Variants in ELOVL6 observed in about 807,000 individuals in gnomAD.
ELOVL6 encodes ELOVL fatty acid elongase 6.
In ELOVL6, 8 loss-of-function variants were observed where a neutral mutation model predicts 31.7. That is an observed-to-expected ratio of 0.25 (90% CI 0.15 to 0.45). ELOVL6 has a LOEUF of 0.45. Ranked by LOEUF, ELOVL6 falls within the 20% of genes least tolerant of loss-of-function variation. The pLI, the probability that ELOVL6 is intolerant of heterozygous loss-of-function variation, is 1.00. For synonymous variants in ELOVL6, 101 were observed against 117.7 expected (o/e 0.86, Z 0.92); for missense variants, 126 against 326.4 (o/e 0.39, Z 4.73).
At chr4:110,116,822 T>C (rs1224449434) in intron 1 of ELOVL6, among the ~76,000 whole-genome samples, 2 of 152,242 alleles carry the variant, frequency 1.3e-5, no homozygotes, top group Non-Finnish European at 2.9e-5. Context: ...TGGTCAAGTA[T>C]CAGTCTTCCA....
At chr4:110,172,618 C>G (rs1358385667) in intron 1 of ELOVL6, among the ~76,000 whole-genome samples, 1 of 152,170 alleles carries the variant, frequency 6.6e-6, no homozygotes, top group Non-Finnish European at 1.5e-5. Context: ...GGATAGCATC[C>G]ACACTTGACA....
chr4:110,165,351 G>A (rs1173875131), intron 1 of ELOVL6, among the ~76,000 whole-genome samples: 1 of 152,132 alleles, frequency 6.6e-6, no homozygotes, highest in Non-Finnish European at 1.5e-5. Context: ...GTTCCTTCCT[G>A]TCTAGCAGAC....
At chr4:110,112,195 T>G (rs932432959) in intron 1 of ELOVL6, among the ~76,000 whole-genome samples, 1 of 152,202 alleles carries the variant, frequency 6.6e-6, no homozygotes, top group Non-Finnish European at 1.5e-5. Flanking sequence ...AAACTTGGTA[T>G]GCATTATTTC....
In ELOVL6 at chr4:110,047,812, CCTGGGAGGCGGAGGTTGCAGTGAGT is replaced by C. The variant is rs1481953043; in HGVS notation, c.*3501_*3525del. The C allele has an allele frequency of 6.9e-6, 1 of 145,720 alleles. No homozygotes were observed. Among genetic ancestry groups the C allele is most frequent in the East Asian group, 2.1e-4 (1 of 4,864 alleles). The allele number at this position is 145,720 out of a possible 1,614,324, so 9.0% of individuals were successfully genotyped here. On this transcript the variant is annotated 3_prime_UTR_variant, in exon 4 of 4. Transcript: ENST00000302274. ...GGCTGAGGCAGGAGAATTGCTGGAA[CCTGGGAGGCGGAGGTTGCAGTGAGT>C]CTAGATCGCGCCACTGCACTCCAGC...
At chr4:110,100,606 A>C (rs948157289) in intron 2 of ELOVL6, among the ~76,000 whole-genome samples, 5 of 152,246 alleles carry the variant, frequency 3.3e-5, no homozygotes, top group African/African-American at 1.2e-4. Flanking sequence ...GGCTACAGTT[A>C]AGAGCTAACA....
chr4:110,077,582 C>T (rs572645084), intron 2 of ELOVL6, among the ~76,000 whole-genome samples: 1 of 152,262 alleles, frequency 6.6e-6, no homozygotes, highest in African/African-American at 2.4e-5. Context: ...ACCAAAACTC[C>T]ATCTGTATGT....
At chr4:110,165,740 GAACT>G (rs1460703075) in intron 1 of ELOVL6, among the ~76,000 whole-genome samples, 1 of 151,864 alleles carries the variant, frequency 6.6e-6, no homozygotes, top group African/African-American at 2.4e-5. Context: ...ATTCCTGTCA[GAACT>G]AACAGGAGGA....
At chr4:110,068,465 C>G (rs1399140235) in intron 2 of ELOVL6, among the ~76,000 whole-genome samples, 1 of 152,214 alleles carries the variant, frequency 6.6e-6, no homozygotes, top group African/African-American at 2.4e-5. Flanking sequence ...GCTGCTGTCT[C>G]AACTCACCAC....
intron 1 of ELOVL6, among the ~76,000 whole-genome samples, chr4:110,180,639 G>A (rs1759244011): frequency 6.6e-6 from 1 of 152,180 alleles, no homozygotes; most frequent in Non-Finnish European, 1.5e-5. Context: ...CTGGAATCAA[G>A]CAATTCTCCT....
rs1422370650 is a variant in ELOVL6 at position 110,198,290 on chromosome 4, G to A, written c.46C>T (p.Gln16Ter). 1 of 1,612,438 alleles carries A rather than the reference G, an allele frequency of 6.2e-7. No homozygotes were observed. The highest frequency in any genetic ancestry group is 8.5e-7 in the Non-Finnish European group (1 of 1,178,516). Reference sequence around the variant, plus strand: ...TGGATGGCTTCATTCTCGTTGAACTGCTTTTCGAATTCATATTCTTGTAAA... The same window carrying A: ...TGGATGGCTTCATTCTCGTTGAACTACTTTTCGAATTCATATTCTTGTAAA... ...LTLQEYEFEKQFNENEAIQWM... is the reference protein window; with the variant it reads ...LTLQEYEFEK Residue 16 changes from glutamine to a stop codon, truncating the protein, a stop_gained, in exon 1 of 4, where the codon CAG (glutamine) becomes TAG (stop). Coordinates refer to ENST00000302274, the MANE Select transcript of ELOVL6 (RefSeq NM_024090.3). LOFTEE classifies it high-confidence loss of function.
intron 1 of ELOVL6, among the ~76,000 whole-genome samples, chr4:110,134,020 T>C (rs6533493): frequency 0.12 from 18,330 of 152,262 alleles, 1,867 homozygotes; most frequent in African/African-American, 0.28. Context: ...CAAATACTTA[T>C]AAGGCTTACC....
At chr4:110,100,298 ATT>A (rs1756705667) in intron 2 of ELOVL6, among the ~76,000 whole-genome samples, 1 of 152,186 alleles carries the variant, frequency 6.6e-6, no homozygotes, top group African/African-American at 2.4e-5. Flanking sequence ...AACTGGCCAT[ATT>A]TTGTTTACTC....
chr4:110,077,033 G>C (rs925988646), intron 2 of ELOVL6, among the ~76,000 whole-genome samples: 5 of 152,222 alleles, frequency 3.3e-5, no homozygotes, highest in Non-Finnish European at 7.3e-5. Context: ...CAGCGAGGCT[G>C]GGAGAGGGGC....
At chr4:110,198,109 A>G in intron 1 of ELOVL6, 138 bp downstream of exon 1, 3 of 429,242 alleles carry the variant, frequency 7.0e-6, no homozygotes, top group East Asian at 6.3e-5. Context: ...CACCCGGGAG[A>G]CCCGAGAACT....
At chr4:110,061,152 C>G (rs1755125801) in intron 2 of ELOVL6, among the ~76,000 whole-genome samples, 1 of 152,174 alleles carries the variant, frequency 6.6e-6, no homozygotes, top group Non-Finnish European at 1.5e-5. Flanking sequence ...TTTAATCCTT[C>G]AGTGGTTTTT....
intron 1 of ELOVL6, among the ~76,000 whole-genome samples, chr4:110,136,127 T>C (rs547249313): frequency 1.6e-4 from 25 of 152,334 alleles, no homozygotes; most frequent in African/African-American, 5.3e-4. Context: ...TGTTTGAAAT[T>C]TCTTGTGTTA....
Position 110,157,447 on chromosome 4 carries a change from G to A in ELOVL6, c.89+40800C>T, listed in dbSNP as rs573439887. On this transcript the variant is annotated intron_variant, in intron 1 of 3. Transcript: ENST00000302274. ...GCATTTTGGGAGGCCGAGGCAGGTG[G>A]ATCAAGTGAGGTCAGGAGTTCAAGA... is the stretch of plus-strand genomic sequence containing the variant. Among the ~76,000 whole-genome samples, 3 of 152,200 alleles carry A rather than the reference G, an allele frequency of 2.0e-5. No homozygotes were observed. In the East Asian group the frequency reaches 5.8e-4, roughly 29 times the overall value.
chr4:110,150,856 A>T (rs1206224252), intron 1 of ELOVL6, among the ~76,000 whole-genome samples: 2 of 152,150 alleles, frequency 1.3e-5, no homozygotes, highest in African/African-American at 4.8e-5. Flanking sequence ...CAGCCTGGCC[A>T]ACATGGTGAA....
intron 1 of ELOVL6, among the ~76,000 whole-genome samples, chr4:110,158,033 G>A (rs1438500618): frequency 6.6e-6 from 1 of 152,120 alleles, no homozygotes; most frequent in East Asian, 1.9e-4. Context: ...CAAAGTTCAT[G>A]GATATAGTAC....
Sources: allele counts gnomAD v4.1 joint callset (sites outside exome capture counted in the v4.1 genomes callset), GRCh38; gene constraint gnomAD v4.1.1; transcripts MANE v1.5; gene names NCBI Gene and HGNC (gene_info 2026-07-23, HGNC 2026-07-21).